ALK: variants seen among roughly 807,000 people sequenced by gnomAD.
The protein encoded by ALK is ALK receptor tyrosine kinase.
In ALK, 74 loss-of-function variants were observed where a neutral mutation model predicts 163.1. That is an observed-to-expected ratio of 0.45 (90% CI 0.38 to 0.55). The LOEUF (loss-of-function observed/expected upper bound fraction) is 0.55, where lower values mean the gene tolerates loss of function less well. ALK is among the 20% of genes least tolerant of loss of function. ALK has a pLI of 0.00. For synonymous variants in ALK, 960 were observed against 843.2 expected (o/e 1.14, Z -2.40); for missense variants, 2,063 against 2,105.3 (o/e 0.98, Z 0.39).
intron 1 of ALK, among the ~76,000 whole-genome samples, chr2:29,785,240 T>C (rs2148353186): frequency 6.6e-6 from 1 of 152,090 alleles, no homozygotes; most frequent in East Asian, 1.9e-4. Flanking sequence ...CAGAGGACAG[T>C]TCTGTCCCAG....
chr2:29,507,418 T>C (rs189360901), intron 4 of ALK, among the ~76,000 whole-genome samples: 1 of 152,162 alleles, frequency 6.6e-6, no homozygotes, highest in African/African-American at 2.4e-5. Context: ...ACAGTTTCAG[T>C]TTGGGATGAT....
intron 1 of ALK, among the ~76,000 whole-genome samples, chr2:29,782,654 G>A (rs756744841): frequency 1.3e-5 from 2 of 152,164 alleles, no homozygotes; most frequent in African/African-American, 2.4e-5. Context: ...TTAGGAGGCA[G>A]ATTGAAAGCC....
At chr2:29,412,978 T>A (rs1454368793) in intron 4 of ALK, among the ~76,000 whole-genome samples, 2 of 152,222 alleles carry the variant, frequency 1.3e-5, no homozygotes, top group Non-Finnish European at 1.5e-5. Context: ...TTTGTTCTTG[T>A]TCTTCAAGAT....
chr2:29,440,660 A>T (rs574751918), intron 4 of ALK, among the ~76,000 whole-genome samples: 1 of 152,310 alleles, frequency 6.6e-6, no homozygotes, highest in South Asian at 2.1e-4. Context: ...CAACTGCTGC[A>T]AACCCTTCTC....
At chr2:29,843,212 G>A (rs1572428242) in intron 1 of ALK, among the ~76,000 whole-genome samples, 2 of 152,156 alleles carry the variant, frequency 1.3e-5, no homozygotes, top group Admixed American at 6.5e-5. Flanking sequence ...AAGGGGTCTC[G>A]GTGCCCCACT....
intron 4 of ALK, among the ~76,000 whole-genome samples, chr2:29,402,448 G>C (rs750078357): frequency 2.2e-4 from 34 of 152,228 alleles, no homozygotes; most frequent in Middle Eastern, 3.2e-3. Flanking sequence ...TTCACTGGCT[G>C]GCTGTGGGCG....
intron 12 of ALK, 55 bp downstream of exon 12, chr2:29,251,050 C>CA: frequency 6.3e-7 from 1 of 1,587,216 alleles, no homozygotes; most frequent in Non-Finnish European, 8.6e-7. Flanking sequence ...GGCAAGACTC[C>CA]AGGCTTCTTC....
At position 29,227,462 on chromosome 2, in the gene ALK, G is replaced by T; in HGVS notation, c.2914+112C>A. ...CGCCATAGGAAGCTTGCCTGCCAGG[G>T]ACCCATAATTGTGCCTCTGTATCCT... On this transcript the variant is annotated intron_variant, in intron 17 of 28. Coordinates refer to ENST00000389048, the MANE Select transcript of ALK (RefSeq NM_004304.5). The surrounding 1 kb of genome is among the most constrained non-coding windows in gnomAD (Gnocchi z 4.4). 1.0e-6 allele frequency: 1 copy of T among 965,342 alleles called. No individual in the cohort carries two copies. The highest frequency in any genetic ancestry group is 1.7e-6 in the Non-Finnish European group (1 of 589,474). 59.8% of individuals were successfully genotyped at this position (965,342 alleles called of 1,614,324 possible). A position where few individuals can be genotyped will look rare whatever the true frequency, so the allele number is the denominator to read the frequency against.
At chr2:29,245,229 C>T (rs1664630791) in intron 12 of ALK, among the ~76,000 whole-genome samples, 1 of 148,670 alleles carries the variant, frequency 6.7e-6, no homozygotes, top group African/African-American at 2.5e-5. Context: ...ATAGTAGGGG[C>T]TCCATGGCTC....
intron 1 of ALK, among the ~76,000 whole-genome samples, chr2:29,888,760 T>G (rs1667057133): frequency 6.6e-6 from 1 of 152,206 alleles, no homozygotes; most frequent in Non-Finnish European, 1.5e-5. Flanking sequence ...TTTTGCATCT[T>G]TTACATTTTC....
intron 5 of ALK, among the ~76,000 whole-genome samples, chr2:29,346,845 G>A (rs1667963679): frequency 6.6e-6 from 1 of 152,162 alleles, no homozygotes; most frequent in Admixed American, 6.5e-5. Flanking sequence ...GAAGAATGAA[G>A]CACGGACAGC....
Position 29,920,613 on chromosome 2 carries a change from G to C in ALK, c.47C>G (p.Thr16Arg), listed in dbSNP as rs542229113. Residue 16 changes from threonine (T) to arginine (R), a missense_variant, in exon 1 of 29, where the codon ACG becomes AGG. This residue lies in a region of ALK where 987 missense variants were observed against 939.5 expected (regional missense o/e 1.05). Transcript: ENST00000389048. ...CCCCATCCCGGAGCCCACAGCTGCC[G>C]TGGAAAGCAGCAGCGGCAGGAGCCA... ...LLWLLPLLLS[T>R]AAVGSGMGTG... The C allele has an allele frequency of 6.4e-7, 1 of 1,551,550 alleles. No individual in the cohort carries two copies. Among genetic ancestry groups the C allele is most frequent in the Non-Finnish European group, 8.7e-7 (1 of 1,155,538 alleles).
chr2:29,779,862 C>T (rs986561909), intron 1 of ALK, among the ~76,000 whole-genome samples: 9 of 152,124 alleles, frequency 5.9e-5, no homozygotes, highest in African/African-American at 2.2e-4. Context: ...CCAAGGACAT[C>T]GAGTAAAAAC....
intron 6 of ALK, among the ~76,000 whole-genome samples, chr2:29,321,390 G>A (rs1667040969): frequency 6.6e-6 from 1 of 152,224 alleles, no homozygotes; most frequent in African/African-American, 2.4e-5. Flanking sequence ...CTGGGGGTTT[G>A]TCTGGGTCCA....
intron 3 of ALK, among the ~76,000 whole-genome samples, chr2:29,594,894 T>TG (rs1170679687): frequency 0.032 from 661 of 20,500 alleles, 18 homozygotes; most frequent in South Asian, 0.079. Context: ...TAAACAAAAA[T>TG]GGGGGGTGGG....
intron 1 of ALK, among the ~76,000 whole-genome samples, chr2:29,901,278 T>C (rs930570104): frequency 1.3e-5 from 2 of 152,218 alleles, no homozygotes; most frequent in Admixed American, 1.3e-4. Flanking sequence ...TCAATAAACT[T>C]CAGTGCCACA....
chr2:29,776,286 A>T (rs1405064546), intron 1 of ALK, among the ~76,000 whole-genome samples: 2 of 151,586 alleles, frequency 1.3e-5, no homozygotes, highest in African/African-American at 4.9e-5. Flanking sequence ...TGTGATGATT[A>T]AACTGGCTAT....
chr2:29,816,021 A>G (rs1275050132), intron 1 of ALK, among the ~76,000 whole-genome samples: 1 of 152,256 alleles, frequency 6.6e-6, no homozygotes, highest in Non-Finnish European at 1.5e-5. Flanking sequence ...GTGTGTCTGG[A>G]CAGACCCTGT....
At chr2:29,406,059 T>G (rs946054050) in intron 4 of ALK, among the ~76,000 whole-genome samples, 1 of 152,186 alleles carries the variant, frequency 6.6e-6, no homozygotes, top group African/African-American at 2.4e-5. Context: ...ATGCCAATAA[T>G]CAGAGCTAGG....
Sources: gnomAD v4.1 joint callset for allele counts (sites outside exome capture counted in the v4.1 genomes callset) on GRCh38, gnomAD v4.1.1 for gene constraint, gnomAD v4.1.1 regional missense constraint, Gnocchi (gnomAD v3.1) non-coding constraint, MANE v1.5 for transcripts, NCBI Gene and HGNC (gene_info 2026-07-23, HGNC 2026-07-21) for gene names.